The following RYR3 variants were observed in gnomAD, a reference collection of about 807,000 sequenced individuals.
RYR3 encodes ryanodine receptor 3, also known as brain ryanodine receptor-calcium release channel.
Under a neutral mutation model 584.3 loss-of-function variants are expected in RYR3, and 207 were observed. That is an observed-to-expected ratio of 0.35 (90% CI 0.32 to 0.40). The LOEUF (loss-of-function observed/expected upper bound fraction) is 0.40. Among genes scored for constraint, RYR3 ranks in the 10% least tolerant of loss-of-function variants. The pLI, the probability that RYR3 is intolerant of heterozygous loss-of-function variation, is 1.00. For synonymous variants in RYR3, 2,416 were observed against 2,248.5 expected (o/e 1.07, Z -2.11); for missense variants, 5,616 against 6,089.2 (o/e 0.92, Z 2.59).
intron 1 of RYR3, among the ~76,000 whole-genome samples, chr15:33,429,146 T>G (rs1437665768): frequency 2.0e-5 from 3 of 152,176 alleles, no homozygotes; most frequent in East Asian, 3.8e-4. Flanking sequence ...GGAAACATGA[T>G]GCAGGAGGCC....
intron 2 of RYR3, 71 bp downstream of exon 2, chr15:33,473,609 G>A: frequency 6.7e-7 from 1 of 1,483,040 alleles, no homozygotes; most frequent in Admixed American, 1.8e-5. Flanking sequence ...GGGAGATACT[G>A]CTGGGAGATG....
rs770231760 is a variant in RYR3 at position 33,662,601 on chromosome 15, C to T, written c.5071C>T (p.Leu1691Phe). 5 of 1,613,986 alleles carry T rather than the reference C, an allele frequency of 3.1e-6. No homozygotes were observed. Among genetic ancestry groups the T allele is most frequent in the Non-Finnish European group, 4.2e-6 (5 of 1,179,898 alleles). ...GAGCCCCGAGATTCCCTTGGAGAGT[C>T]TCAGGACGAAGGCTCTGAGTATGCT... ...KQSPEIPLES[L>F]RTKALSMLTE... Residue 1691 changes from leucine (L) to phenylalanine (F), a missense_variant, in exon 35 of 104, where the codon CTC (leucine) becomes TTC (phenylalanine). Coordinates refer to ENST00000634891, the MANE Select transcript of RYR3 (RefSeq NM_001036.6).
intron 100 of RYR3, among the ~76,000 whole-genome samples, chr15:33,859,999 C>G (rs761779091): frequency 1.1e-4 from 16 of 152,200 alleles, no homozygotes; most frequent in Admixed American, 9.2e-4. Context: ...CTCCTCACTT[C>G]TGCTTCTGAG....
chr15:33,594,835 C>T (rs1451057069), intron 16 of RYR3, among the ~76,000 whole-genome samples: 2 of 152,056 alleles, frequency 1.3e-5, no homozygotes, highest in African/African-American at 4.8e-5. Context: ...CTGTGGCACG[C>T]AATAATTTTA....
intron 74 of RYR3, chr15:33,815,749 C>A (rs1389933568): frequency 2.5e-6 from 1 of 396,078 alleles, no homozygotes; most frequent in African/African-American, 2.1e-5. Flanking sequence ...ATCTCCCAAA[C>A]TAAAGGGCTA....
chr15:33,855,006 A>G, intron 98 of RYR3, 94 bp downstream of exon 98: 1 of 1,243,660 alleles, frequency 8.0e-7, no homozygotes, highest in Non-Finnish European at 1.1e-6. Flanking sequence ...AGGAAGGAAT[A>G]TGTCTTGGTA....
At chr15:33,585,950 C>T in intron 15 of RYR3, 48 bp from the exon 16 acceptor site, 1 of 1,143,990 alleles carries the variant, frequency 8.7e-7, no homozygotes, top group East Asian at 2.3e-5. Context: ...GTGGTCACTT[C>T]TGCAGGGCAT....
chr15:33,488,589 G>C (rs138645716), intron 2 of RYR3, among the ~76,000 whole-genome samples: 2,836 of 152,118 alleles, frequency 0.019, 24 homozygotes, highest in Middle Eastern at 0.037. Flanking sequence ...CATGGTGGCT[G>C]ATGCCTGTAA....
chr15:33,393,279 T>A (rs955528951), intron 1 of RYR3, among the ~76,000 whole-genome samples: 1 of 152,234 alleles, frequency 6.6e-6, no homozygotes, highest in Non-Finnish European at 1.5e-5. Context: ...CTGATTATTG[T>A]CGCATAACCG....
At chr15:33,603,035 A>G (rs2059748663) in intron 17 of RYR3, 88 bp from the exon 18 acceptor site, 5 of 1,388,210 alleles carry the variant, frequency 3.6e-6, no homozygotes, top group African/African-American at 1.4e-5. Flanking sequence ...CTACGTGTAA[A>G]TGGGCCGTTG....
chr15:33,741,740 A>T (rs1180234914), intron 51 of RYR3, among the ~76,000 whole-genome samples: 1 of 152,008 alleles, frequency 6.6e-6, no homozygotes, highest in African/African-American at 2.4e-5. Flanking sequence ...CAGCCTCCTG[A>T]GTAGCTGGGA....
chr15:33,698,798 C>T (rs920013597), intron 40 of RYR3, among the ~76,000 whole-genome samples: 3 of 152,052 alleles, frequency 2.0e-5, no homozygotes, highest in Non-Finnish European at 4.4e-5. Context: ...GATGCCTCAG[C>T]GAGCAGATAG....
chr15:33,522,506 C>T (rs1281577939), intron 3 of RYR3, among the ~76,000 whole-genome samples: 19 of 152,094 alleles, frequency 1.2e-4, no homozygotes, highest in Non-Finnish European at 1.5e-5. Context: ...TATTAATTAC[C>T]CCATTATGAG....
chr15:33,332,213 A>G lies in RYR3; in HGVS notation c.51+21117A>G, dbSNP rs534333615. Among the ~76,000 whole-genome samples the G allele has an allele frequency of 9.2e-5, 14 of 152,230 alleles. No individual in the cohort carries two copies. In the South Asian group the frequency reaches 2.9e-3, roughly 32 times the overall value. On this transcript the variant is annotated intron_variant, in intron 1 of 103. Transcript: ENST00000634891. ...AGCTAAAGATTCTCAGAATGGATAC[A>G]TAAACAAATTCATAAATATTAATTA... is the stretch of plus-strand genomic sequence containing the variant.
At chr15:33,841,015 C>G (rs1013519415) in intron 90 of RYR3, 132 bp downstream of exon 90, 3 of 766,620 alleles carry the variant, frequency 3.9e-6, no homozygotes, top group Non-Finnish European at 6.6e-6. Flanking sequence ...CCCAGGACTT[C>G]GAGACCATCC....
intron 16 of RYR3, among the ~76,000 whole-genome samples, chr15:33,591,287 T>C (rs1006658683): frequency 3.3e-5 from 5 of 152,264 alleles, no homozygotes; most frequent in African/African-American, 9.6e-5. Flanking sequence ...TGATTTGTTC[T>C]CTGCTGTAAT....
chr15:33,673,951 C>T (rs2064001238), intron 38 of RYR3, among the ~76,000 whole-genome samples: 1 of 152,188 alleles, frequency 6.6e-6, no homozygotes. Context: ...GTCTTTAGCC[C>T]TGTGCTGTTT....
At chr15:33,486,445 CATCA>C in intron 2 of RYR3, among the ~76,000 whole-genome samples, 1 of 152,090 alleles carries the variant, frequency 6.6e-6, no homozygotes, top group East Asian at 1.9e-4. Flanking sequence ...GTATAAAGGA[CATCA>C]ATCACCTTGT....
chr15:33,481,645 T>A (rs1186624797), intron 2 of RYR3, among the ~76,000 whole-genome samples: 2 of 151,968 alleles, frequency 1.3e-5, no homozygotes, highest in African/African-American at 2.4e-5. Flanking sequence ...CAGGCCCAGC[T>A]AATTTTTTGT....
Sources: gnomAD v4.1 joint callset for allele counts (sites outside exome capture counted in the v4.1 genomes callset) on GRCh38, gnomAD v4.1.1 for gene constraint, MANE v1.5 for transcripts, NCBI Gene and HGNC (gene_info 2026-07-23, HGNC 2026-07-21) for gene names.